VPS53: variants seen among roughly 807,000 people sequenced by gnomAD.
The protein encoded by VPS53 is vacuolar protein sorting-associated protein 53 homolog.
A neutral mutation model predicts 107.0 loss-of-function variants in VPS53; 70 were observed. The observed-to-expected ratio is 0.65, with a 90% CI of 0.54 to 0.80. The LOEUF is 0.80. Ranked by LOEUF, VPS53 falls within the 30% of genes least tolerant of loss-of-function variation. The pLI is 0.00. For synonymous variants in VPS53, 409 were observed against 393.3 expected (o/e 1.04, Z -0.47); for missense variants, 917 against 1,049.4 (o/e 0.87, Z 1.74).
At chr17:662,891 AAGGCAGGCAGGCAGGC>A (rs796978892) in intron 4 of VPS53, among the ~76,000 whole-genome samples, 5 of 137,542 alleles carry the variant, frequency 3.6e-5, no homozygotes, top group African/African-American at 7.7e-5. Context: ...GGAAGGAAGG[AAGGCAGGCAGGCAGGC>A]AGGCAGGCAG....
chr17:600,907 G>A (rs1049158467), intron 12 of VPS53: 1 of 152,228 alleles, frequency 6.6e-6, no homozygotes, highest in African/African-American at 2.4e-5. Context: ...ATTTAATCAA[G>A]GGACCAGACA....
Position 518,954 on chromosome 17 carries a change from G to C in VPS53, c.*174C>G, listed in dbSNP as rs1347583280. 3 of 669,190 alleles carry C rather than the reference G, an allele frequency of 4.5e-6. No homozygotes were observed. The South Asian group carries it at 8.2e-5, about 18-fold the overall frequency. 41.5% of individuals were successfully genotyped at this position (669,190 alleles called of 1,614,324 possible). On this transcript the variant is annotated 3_prime_UTR_variant, in exon 22 of 22. Transcript: ENST00000437048. ...AGCCCAGCCCTTACTCAGCGTCTCC[G>C]ATTAGGGCAGGAAGTAAGACAGGGC...
At chr17:658,292 C>T (rs143394413) in intron 5 of VPS53, among the ~76,000 whole-genome samples, 2,546 of 125,836 alleles carry the variant, frequency 0.02, 98 homozygotes, top group Non-Finnish European at 0.032. Flanking sequence ...GCCGTGAGTT[C>T]GTGGATAGAT....
intron 19 of VPS53, among the ~76,000 whole-genome samples, chr17:531,689 G>A (rs1225114225): frequency 6.6e-6 from 1 of 150,646 alleles, no homozygotes; most frequent in African/African-American, 2.4e-5. Flanking sequence ...GAGAGATAGG[G>A]TTGCACTATG....
intron 15 of VPS53, among the ~76,000 whole-genome samples, chr17:556,970 G>T (rs1217354264): frequency 1.3e-5 from 1 of 75,068 alleles, no homozygotes; most frequent in African/African-American, 4.6e-5. Flanking sequence ...GGGGACCTGA[G>T]GCTTGGGGAA....
In VPS53 at chr17:624,017, CT is replaced by C. The variant is rs201579151; in HGVS notation, c.975-344del. Among the ~76,000 whole-genome samples, 558 of 143,872 alleles carry C rather than the reference CT, an allele frequency of 3.9e-3. 3 individuals carry two copies. Among genetic ancestry groups the C allele is most frequent in the African/African-American group, 9.8e-3 (387 of 39,298 alleles). 94.4% of individuals were successfully genotyped at this position (143,872 alleles called of 152,430 possible). A position where few individuals can be genotyped will look rare whatever the true frequency, so the allele number is the denominator to read the frequency against. On this transcript the variant is annotated intron_variant, in intron 10 of 21. Coordinates refer to ENST00000437048, the MANE Select transcript of VPS53 (RefSeq NM_001128159.3). ...CTCCACCTCCTGGGTTCAAATGATT[CT>C]TTTTTTTTTTTGTATTTTTAGTAGA... is the stretch of plus-strand genomic sequence containing the variant.
intron 7 of VPS53, among the ~76,000 whole-genome samples, chr17:645,157 T>C (rs1283305922): frequency 6.6e-6 from 1 of 152,156 alleles, no homozygotes; most frequent in African/African-American, 2.4e-5. Context: ...CCACCAAAAG[T>C]ACAGGCAGCA....
chr17:562,469 T>G (rs762444105), intron 14 of VPS53, 34 bp downstream of exon 14: 1 of 1,609,330 alleles, frequency 6.2e-7, no homozygotes, highest in Admixed American at 1.7e-5. Context: ...TAGGTCTATT[T>G]GCCACCACTC....
chr17:713,908 G>A (rs1485635581), intron 1 of VPS53, among the ~76,000 whole-genome samples: 1 of 151,538 alleles, frequency 6.6e-6, no homozygotes, highest in African/African-American at 2.4e-5. Flanking sequence ...AGCCGGGTGT[G>A]GTGGCGTGCG....
At chr17:527,352 GCTCT>G (rs1396137953) in intron 19 of VPS53, among the ~76,000 whole-genome samples, 1 of 152,018 alleles carries the variant, frequency 6.6e-6, no homozygotes, top group Admixed American at 6.6e-5. Flanking sequence ...CGTCTCTCCT[GCTCT>G]CTCTCACTGT....
intron 17 of VPS53, among the ~76,000 whole-genome samples, chr17:546,551 A>G (rs1341754132): frequency 6.6e-6 from 1 of 152,194 alleles, no homozygotes; most frequent in African/African-American, 2.4e-5. Context: ...TAAAATGGGC[A>G]AAACATTTAA....
intron 2 of VPS53, among the ~76,000 whole-genome samples, chr17:706,535 C>CA (rs1282036208): frequency 0.017 from 1,148 of 65,948 alleles, 11 homozygotes; most frequent in Middle Eastern, 0.068. Flanking sequence ...GACTCAGTCT[C>CA]AAAAAAAAAA....
rs556060882 is a variant in VPS53, at chr17:698,715, G to C, written c.218+616C>G. Among the ~76,000 whole-genome samples the C allele has an allele frequency of 5.7e-4, 85 of 149,546 alleles. No homozygotes were observed. In the South Asian group the frequency reaches 0.018, roughly 31 times the overall value. On this transcript the variant is annotated intron_variant, in intron 3 of 21. Transcript: ENST00000437048. ...AAGACCTTGTTTTGAAAAAAAAACAGAAAAAAAGAAAAAAAAAATCTATCA... is the reference window on the plus strand; with the variant it reads ...AAGACCTTGTTTTGAAAAAAAAACACAAAAAAAGAAAAAAAAAATCTATCA...
intron 12 of VPS53, among the ~76,000 whole-genome samples, chr17:587,311 C>CCT (rs764578174): frequency 6.6e-6 from 1 of 152,226 alleles, no homozygotes; most frequent in Non-Finnish European, 1.5e-5. Flanking sequence ...GATCCACCCA[C>CCT]CTCTACCTCC....
chr17:696,270 G>A (rs1972955800), intron 4 of VPS53, among the ~76,000 whole-genome samples: 1 of 152,134 alleles, frequency 6.6e-6, no homozygotes, highest in Non-Finnish European at 1.5e-5. Flanking sequence ...ATAGACAGAT[G>A]GGAAAACTAC....
At chr17:642,115 A>C (rs1970444752) in intron 7 of VPS53, among the ~76,000 whole-genome samples, 1 of 152,204 alleles carries the variant, frequency 6.6e-6, no homozygotes, top group African/African-American at 2.4e-5. Flanking sequence ...TCCCAAAGAA[A>C]ACACCCCCAA....
chr17:566,895 C>T (rs1227630312), intron 13 of VPS53, among the ~76,000 whole-genome samples: 1 of 152,046 alleles, frequency 6.6e-6, no homozygotes, highest in East Asian at 1.9e-4. Flanking sequence ...CGGCACACAC[C>T]ACCACAACCG....
chr17:638,221 G>C (rs1411756555), intron 7 of VPS53, among the ~76,000 whole-genome samples: 3 of 152,096 alleles, frequency 2.0e-5, no homozygotes, highest in African/African-American at 7.2e-5. Context: ...TCTTTTATGA[G>C]AGACTAGGAT....
intron 4 of VPS53, among the ~76,000 whole-genome samples, chr17:668,302 G>T (rs899707477): frequency 6.6e-6 from 1 of 152,116 alleles, no homozygotes; most frequent in Non-Finnish European, 1.5e-5. Context: ...CCTAAGCAAG[G>T]CTATGGCACA....
Sources: gnomAD v4.1 joint callset for allele counts (sites outside exome capture counted in the v4.1 genomes callset) on GRCh38, gnomAD v4.1.1 for gene constraint, MANE v1.5 for transcripts, NCBI Gene and HGNC (gene_info 2026-07-23, HGNC 2026-07-21) for gene names.